ANKRD30A: variants seen among roughly 807,000 people sequenced by gnomAD.
ANKRD30A encodes the protein ankyrin repeat domain-containing protein 30A.
ANKRD30A carries 170 observed loss-of-function variants against 166.3 expected under a neutral mutation model. The ratio of observed to expected loss-of-function variants is 1.02; its 90% CI spans 0.90 to 1.16. The LOEUF is 1.16. Among genes scored for constraint, ANKRD30A ranks in the 50% most tolerant of loss-of-function variants. ANKRD30A has a pLI of 0.00. For synonymous variants in ANKRD30A, 564 were observed against 508.9 expected (o/e 1.11, Z -1.46); for missense variants, 1,630 against 1,518.0 (o/e 1.07, Z -1.23).
At chr10:37,233,482 A>G (rs1390088510), downstream of ANKRD30A, among the ~76,000 whole-genome samples, 4 of 152,188 alleles carry the variant, frequency 2.6e-5, no homozygotes, top group Non-Finnish European at 4.4e-5. Context: ...CAGTGCAGGC[A>G]AAGATTTTTG....
intron 31 of ANKRD30A, among the ~76,000 whole-genome samples, chr10:37,215,794 G>A (rs1429697854): frequency 6.6e-6 from 1 of 151,426 alleles, no homozygotes. Context: ...TTCAGCACAT[G>A]CCACACACTG....
chr10:37,219,103 A>C lies in ANKRD30A; in HGVS notation c.3391A>C (p.Lys1131Gln), dbSNP rs768157534. The C allele has an allele frequency of 1.9e-6, 3 of 1,609,642 alleles. No homozygotes were observed. Among genetic ancestry groups the C allele is most frequent in the South Asian group, 2.2e-5 (2 of 90,828 alleles). ...ACACCAATACCAGGAAAAGGAAAAT[A>C]AATACTTTGAGGACATTAAGATTTT... ...LKHQYQEKEN[K>Q]YFEDIKILKE... The change falls in exon 34 of 36, where the codon AAA becomes CAA. Residue 1131 changes from lysine (K) to glutamine (Q), a missense_variant. By Grantham distance (53) the Lys-to-Gln change is moderately conservative. This residue lies in a region of ANKRD30A where 712 missense variants were observed against 629.3 expected (regional missense o/e 1.13). Transcript: ENST00000361713.
intron 34 of ANKRD30A, among the ~76,000 whole-genome samples, chr10:37,230,728 C>T (rs554577718): frequency 5.9e-5 from 9 of 152,104 alleles, no homozygotes; most frequent in African/African-American, 1.9e-4. Flanking sequence ...TGAGAAAACA[C>T]CCTGTATAGT....
At chr10:37,211,655 G>A (rs1440279082) in intron 31 of ANKRD30A, among the ~76,000 whole-genome samples, 1 of 152,076 alleles carries the variant, frequency 6.6e-6, no homozygotes, top group Non-Finnish European at 1.5e-5. Context: ...AACCAGTAAT[G>A]GGATGGCTGG....
the ANKRD30A span, among the ~76,000 whole-genome samples, chr10:37,257,334 TC>T: frequency 1.5e-5 from 2 of 132,818 alleles, no homozygotes; most frequent in African/African-American, 5.3e-5. Flanking sequence ...GTTAATCTTT[TC>T]AAAAAAAAAA....
At chr10:37,183,536 C>A (rs974265612) in intron 24 of ANKRD30A, among the ~76,000 whole-genome samples, 4 of 146,624 alleles carry the variant, frequency 2.7e-5, no homozygotes, top group Non-Finnish European at 4.6e-5. Context: ...CAAACAAAAT[C>A]AAAATTTTGT....
At chr10:37,184,369 G>T (rs1287136986) in intron 24 of ANKRD30A, 4 of 41,240 alleles carry the variant, frequency 9.7e-5, no homozygotes, top group Non-Finnish European at 1.1e-4. Context: ...TTTTTTTTTA[G>T]TAGAAGCATT....
chr10:37,240,190 G>A, the ANKRD30A span, among the ~76,000 whole-genome samples: 2 of 151,994 alleles, frequency 1.3e-5, no homozygotes, highest in Non-Finnish European at 2.9e-5. Context: ...GTATATTTAT[G>A]CCTCATTAAT....
chr10:37,134,103 G>A (rs1226563485), intron 5 of ANKRD30A, 50 bp downstream of exon 5: 4 of 1,597,232 alleles, frequency 2.5e-6, no homozygotes, highest in South Asian at 2.2e-5. Context: ...TTTGTTTCAG[G>A]TAGTTTTTGA....
rs746217951 is a variant in ANKRD30A, at chr10:37,129,804, G to A, written c.222-89G>A. ...TTTGTTTTGAAGGCAGAGAAAGAGC[G>A]TGGTATTTAATGTTTACAGTTACAT... On this transcript the variant is annotated intron_variant, in intron 1 of 35. Coordinates refer to ENST00000361713, the MANE Select transcript of ANKRD30A (RefSeq NM_052997.3). 1.9e-4 allele frequency: 119 copies of A among 624,134 alleles called. No individual in the cohort carries two copies. The Middle Eastern group carries it at 2.4e-3, about 13-fold the overall frequency. 38.7% of individuals were successfully genotyped at this position (624,134 alleles called of 1,614,324 possible).
chr10:37,136,547 ATG>A, intron 5 of ANKRD30A, 58 bp from the exon 6 acceptor site: 1 of 765,608 alleles, frequency 1.3e-6, no homozygotes, highest in South Asian at 1.8e-5. Flanking sequence ...AATTTGGTAA[ATG>A]TTTTTTATAA....
chr10:37,158,504 A>C lies in ANKRD30A; in HGVS notation c.1828-10A>C, dbSNP rs536974864. ...TGTATATTAATTGTTTTGTTTCCAA[A>C]CCCATTTAGGCTACCTGCGGAATGA... is the stretch of plus-strand genomic sequence containing the variant. On this transcript the variant is annotated splice_polypyrimidine_tract_variant and intron_variant, in intron 14 of 35. Coordinates refer to ENST00000361713, the MANE Select transcript of ANKRD30A (RefSeq NM_052997.3). 6.2e-7 allele frequency: 1 copy of C among 1,613,492 alleles called. No homozygotes were observed. The highest frequency in any genetic ancestry group is 8.5e-7 in the Non-Finnish European group (1 of 1,179,712).
At chr10:37,213,224 C>T (rs1376652539) in intron 31 of ANKRD30A, among the ~76,000 whole-genome samples, 2 of 151,844 alleles carry the variant, frequency 1.3e-5, no homozygotes, top group Non-Finnish European at 2.9e-5. Flanking sequence ...ATTGTGGAAG[C>T]TGCACAGTTC....
the ANKRD30A span, among the ~76,000 whole-genome samples, chr10:37,254,694 T>A: frequency 6.9e-6 from 1 of 145,882 alleles, no homozygotes; most frequent in Non-Finnish European, 1.5e-5. Context: ...TTTTTTTTTT[T>A]TTTTTTTGAG....
In ANKRD30A at chr10:37,126,003, GA is replaced by G; in HGVS notation, c.218del (p.Lys73ArgfsTer16). On this transcript the variant is annotated frameshift_variant, in exon 1 of 36. Transcript: ENST00000361713. LOFTEE classifies it high-confidence loss of function. ...TINLNIQDAQ[K>X]RTALHWACVN... ...TCAACCTTAATATACAAGACGCCCAGAAGAGGTACCAGGCCCTGCCTGAGCC... is the reference window on the plus strand; with the variant it reads ...TCAACCTTAATATACAAGACGCCCAGAGAGGTACCAGGCCCTGCCTGAGCC... The G allele has an allele frequency of 6.3e-7, 1 of 1,596,872 alleles. No homozygotes were observed. Among genetic ancestry groups the G allele is most frequent in the African/African-American group, 1.3e-5 (1 of 74,392 alleles).
intron 25 of ANKRD30A, among the ~76,000 whole-genome samples, chr10:37,189,789 T>C (rs1840379111): frequency 6.7e-6 from 1 of 149,880 alleles, no homozygotes; most frequent in African/African-American, 2.5e-5. Flanking sequence ...TTCCAAGACG[T>C]GAGGAAAATG....
At chr10:37,214,209 T>G (rs990959707) in intron 31 of ANKRD30A, among the ~76,000 whole-genome samples, 3 of 151,660 alleles carry the variant, frequency 2.0e-5, no homozygotes, top group African/African-American at 7.2e-5. Flanking sequence ...ACTTTGGTAT[T>G]AATACAACCA....
chr10:37,223,446 A>T (rs929675056), intron 34 of ANKRD30A, among the ~76,000 whole-genome samples: 1 of 151,410 alleles, frequency 6.6e-6, no homozygotes, highest in Non-Finnish European at 1.5e-5. Flanking sequence ...TCTTACTTAG[A>T]TCTGAATGAA....
the ANKRD30A span, among the ~76,000 whole-genome samples, chr10:37,247,448 G>T: frequency 3.2e-4 from 48 of 152,166 alleles, no homozygotes; most frequent in African/African-American, 1.1e-3. Context: ...TTTTTGGAGG[G>T]TGTTCTGGGG....
Sources: gnomAD v4.1 joint callset for allele counts (sites outside exome capture counted in the v4.1 genomes callset) on GRCh38, gnomAD v4.1.1 for gene constraint, gnomAD v4.1.1 regional missense constraint, MANE v1.5 for transcripts, NCBI Gene and HGNC (gene_info 2026-07-23, HGNC 2026-07-21) for gene names.